Variants in PLCB4 observed in about 807,000 individuals in gnomAD.
PLCB4 encodes the protein phospholipase C beta 4.
PLCB4 carries 77 observed loss-of-function variants against 178.8 expected under a neutral mutation model. The ratio of observed to expected loss-of-function variants is 0.43; its 90% CI spans 0.36 to 0.52. The LOEUF (loss-of-function observed/expected upper bound fraction) is 0.52. PLCB4 is among the 20% of genes least tolerant of loss of function. The probability of loss-of-function intolerance (pLI) is 0.00; values close to 1 mark genes in which losing one functional copy is unlikely to be tolerated. For synonymous variants in PLCB4, 496 were observed against 490.8 expected (o/e 1.01, Z -0.14); for missense variants, 1,024 against 1,453.4 (o/e 0.70, Z 4.80).
At chr20:9,189,282 G>A (rs1181776090) in intron 2 of PLCB4, among the ~76,000 whole-genome samples, 3 of 66,002 alleles carry the variant, frequency 4.5e-5, no homozygotes, top group African/African-American at 2.4e-4. Flanking sequence ...CATTGTGGAG[G>A]GCTGTCATAT....
intron 3 of PLCB4, among the ~76,000 whole-genome samples, chr20:9,297,360 A>C (rs1433224266): frequency 6.6e-6 from 1 of 151,894 alleles, no homozygotes; most frequent in Admixed American, 6.6e-5. Flanking sequence ...GACTCTGGGG[A>C]CTCAGGGGAA....
rs182338080 is a variant in PLCB4 at position 9,380,826 on chromosome 20, G to A, written c.853+664G>A. Among the ~76,000 whole-genome samples, 5 of 152,306 alleles carry A rather than the reference G, an allele frequency of 3.3e-5. No homozygotes were observed. The East Asian group carries it at 9.6e-4, about 29-fold the overall frequency. Reference sequence around the variant, plus strand: ...GAGAGCTGGGGGTACCTGAGCTAGAGCCTTTGGCGTTATGTCTCAGTGGAG... The same window carrying A: ...GAGAGCTGGGGGTACCTGAGCTAGAACCTTTGGCGTTATGTCTCAGTGGAG... On this transcript the variant is annotated intron_variant, in intron 13 of 39. Coordinates refer to ENST00000378473, the MANE Select transcript of PLCB4 (RefSeq NM_001377142.1).
At chr20:9,237,493 T>C (rs1189674925) in intron 3 of PLCB4, among the ~76,000 whole-genome samples, 2 of 152,190 alleles carry the variant, frequency 1.3e-5, no homozygotes, top group Non-Finnish European at 1.5e-5. Flanking sequence ...GCAGCATCAC[T>C]GAGGAGCTTG....
At chr20:9,244,023 G>T (rs2094097217) in intron 3 of PLCB4, among the ~76,000 whole-genome samples, 2 of 152,160 alleles carry the variant, frequency 1.3e-5, no homozygotes, top group South Asian at 2.1e-4. Context: ...AGCCATTGGT[G>T]AATGGTCAGT....
intron 2 of PLCB4, among the ~76,000 whole-genome samples, chr20:9,171,743 G>A (rs2093067043): frequency 6.6e-6 from 1 of 152,160 alleles, no homozygotes; most frequent in South Asian, 2.1e-4. Context: ...ATCTGATGAT[G>A]TAATTGGAGG....
At chr20:9,400,302 A>G (rs577082046) in intron 19 of PLCB4, among the ~76,000 whole-genome samples, 1 of 152,210 alleles carries the variant, frequency 6.6e-6, no homozygotes, top group African/African-American at 2.4e-5. Context: ...CCACTGTTTT[A>G]TTATGACTAA....
At chr20:9,349,368 T>C (rs2034122567) in intron 7 of PLCB4, among the ~76,000 whole-genome samples, 2 of 152,222 alleles carry the variant, frequency 1.3e-5, no homozygotes, top group Admixed American at 6.5e-5. Context: ...CCTTTTTATA[T>C]GCAGTTGGAC....
chr20:9,254,123 A>G (rs1461967373), intron 3 of PLCB4, among the ~76,000 whole-genome samples: 1 of 152,202 alleles, frequency 6.6e-6, no homozygotes, highest in Non-Finnish European at 1.5e-5. Context: ...ATGATAAGTA[A>G]CTGCTGTCAA....
At chr20:9,312,303 C>A (rs897285453) in intron 4 of PLCB4, among the ~76,000 whole-genome samples, 12 of 151,132 alleles carry the variant, frequency 7.9e-5, no homozygotes, top group African/African-American at 2.9e-4. Flanking sequence ...CTTTTCCTAG[C>A]AAAGTCTTGG....
At chr20:9,386,255 AGGGAGG>A (rs1312366764) in intron 14 of PLCB4, among the ~76,000 whole-genome samples, 1 of 135,822 alleles carries the variant, frequency 7.4e-6, no homozygotes, top group Non-Finnish European at 1.6e-5. Flanking sequence ...CGAAGAAAGG[AGGGAGG>A]GGGAGGGGGA....
chr20:9,465,712 G>A (rs2122554539), intron 35 of PLCB4, among the ~76,000 whole-genome samples: 1 of 152,234 alleles, frequency 6.6e-6, no homozygotes, highest in African/African-American at 2.4e-5. Flanking sequence ...AAATACCTAG[G>A]AATCCAACTT....
chr20:9,300,765 G>T (rs1469781489), intron 3 of PLCB4, among the ~76,000 whole-genome samples: 1 of 152,118 alleles, frequency 6.6e-6, no homozygotes, highest in Non-Finnish European at 1.5e-5. Context: ...AATCAGAGCA[G>T]TCTGTACTGC....
chr20:9,211,668 A>C (rs2093674298), intron 2 of PLCB4, among the ~76,000 whole-genome samples: 1 of 152,218 alleles, frequency 6.6e-6, no homozygotes, highest in African/African-American at 2.4e-5. Flanking sequence ...CATGATAATG[A>C]TGGTAATGTG....
chr20:9,095,469 C>T (rs2090870776), intron 1 of PLCB4, among the ~76,000 whole-genome samples: 1 of 152,154 alleles, frequency 6.6e-6, no homozygotes, highest in Admixed American at 6.6e-5. Context: ...AACATTATCC[C>T]ATGGGTCATT....
intron 2 of PLCB4, among the ~76,000 whole-genome samples, chr20:9,108,327 G>A (rs958197280): frequency 7.2e-5 from 11 of 152,100 alleles, no homozygotes; most frequent in African/African-American, 2.4e-4. Flanking sequence ...AGGGCACTTA[G>A]AGGGTGGGGA....
chr20:9,459,959 G>A, intron 35 of PLCB4, 149 bp downstream of exon 35: 2 of 599,248 alleles, frequency 3.3e-6, no homozygotes, highest in Non-Finnish European at 5.9e-6. Flanking sequence ...GGCTGATTAT[G>A]AGCAAGATGA....
At chr20:9,342,113 C>T (rs2033276176) in intron 7 of PLCB4, among the ~76,000 whole-genome samples, 1 of 152,116 alleles carries the variant, frequency 6.6e-6, no homozygotes, top group African/African-American at 2.4e-5. Context: ...TATCTCAAAA[C>T]TTAAAATAAC....
intron 4 of PLCB4, among the ~76,000 whole-genome samples, chr20:9,336,366 C>T (rs979154313): frequency 6.6e-6 from 1 of 152,176 alleles, no homozygotes; most frequent in African/African-American, 2.4e-5. Context: ...CACAGATGCT[C>T]TGATGCCTTG....
chr20:9,435,879 G>C (rs1485034800), intron 29 of PLCB4, among the ~76,000 whole-genome samples: 3 of 152,070 alleles, frequency 2.0e-5, no homozygotes, highest in Non-Finnish European at 4.4e-5. Flanking sequence ...TCACATCTGG[G>C]GACCCCTTCC....
Sources: gnomAD v4.1 joint callset for allele counts (sites outside exome capture counted in the v4.1 genomes callset) on GRCh38, gnomAD v4.1.1 for gene constraint, MANE v1.5 for transcripts, NCBI Gene and HGNC (gene_info 2026-07-23, HGNC 2026-07-21) for gene names.